Variants in CDH17 observed in about 807,000 individuals in gnomAD.
The protein encoded by CDH17 is cadherin-17.
A neutral mutation model predicts 86.3 loss-of-function variants in CDH17; 67 were observed. The ratio of observed to expected loss-of-function variants is 0.78; its 90% CI spans 0.64 to 0.95. The LOEUF (loss-of-function observed/expected upper bound fraction) is 0.95, where lower values mean the gene tolerates loss of function less well. CDH17 is among the 40% of genes least tolerant of loss of function. The pLI is 0.00. For synonymous variants in CDH17, 367 were observed against 366.4 expected (o/e 1.00, Z -0.02); for missense variants, 993 against 1,017.6 (o/e 0.98, Z 0.33).
chr8:94,132,664 A>C (rs1812442405), intron 15 of CDH17, among the ~76,000 whole-genome samples: 1 of 152,018 alleles, frequency 6.6e-6, no homozygotes, highest in Non-Finnish European at 1.5e-5. Flanking sequence ...GAAGCTCTTT[A>C]GTTTAATTAG....
intron 12 of CDH17, among the ~76,000 whole-genome samples, chr8:94,154,207 CCTT>C (rs1201541436): frequency 6.6e-6 from 1 of 152,110 alleles, no homozygotes; most frequent in East Asian, 1.9e-4. Flanking sequence ...TCAGCAAAAA[CCTT>C]CTCAGAATGA....
chr8:94,134,522 T>C (rs1563563708), intron 15 of CDH17, among the ~76,000 whole-genome samples: 1 of 152,214 alleles, frequency 6.6e-6, no homozygotes, highest in Non-Finnish European at 1.5e-5. Flanking sequence ...CATTTTTTTA[T>C]TGCGTCTATT....
Position 94,175,104 on chromosome 8 carries a change from G to A in CDH17, c.425-844C>T, listed in dbSNP as rs1813347885. On this transcript the variant is annotated intron_variant, in intron 5 of 17. Coordinates refer to ENST00000027335, the MANE Select transcript of CDH17 (RefSeq NM_004063.4). ...AGGAGTATTTGCAACATGGAAACTA[G>A]AAAATTCTACAAATCAGAGCTTTGT... Among the ~76,000 whole-genome samples the A allele has an allele frequency of 2.0e-5, 3 of 152,118 alleles. No individual in the cohort carries two copies. In the South Asian group the frequency reaches 6.2e-4, roughly 32 times the overall value.
rs760616533 is a variant in CDH17 at position 94,151,904 on chromosome 8, T to C, written c.1760A>G (p.Asn587Ser). ...ACCTTCTGGATCCTTGGCAGTCACA[T>C]TGCCCACTTTAGTGCCTATAGCTAC... ...EDVAIGTKVG[N>S]VTAKDPEGLD... The change falls in exon 13 of 18, where the codon AAT (asparagine) becomes AGT (serine). Residue 587 changes from asparagine to serine, a missense_variant. Transcript: ENST00000027335. The C allele has an allele frequency of 1.5e-5, 24 of 1,614,098 alleles. No individual in the cohort carries two copies. In the South Asian group the frequency reaches 2.3e-4, roughly 16 times the overall value.
chr8:94,181,484 A>G (rs539092076), intron 3 of CDH17, among the ~76,000 whole-genome samples: 1 of 152,234 alleles, frequency 6.6e-6, no homozygotes, highest in Non-Finnish European at 1.5e-5. Context: ...TAAAAACAAT[A>G]TAAGGAAATT....
chr8:94,128,409 G>C (rs1214793178), intron 17 of CDH17, 69 bp from the exon 18 acceptor site: 2 of 973,526 alleles, frequency 2.1e-6, no homozygotes, highest in African/African-American at 3.2e-5. Flanking sequence ...CAGTTATAAA[G>C]TAGTATTGTG....
In CDH17 at chr8:94,165,805, T is replaced by C; in HGVS notation, c.1238A>G (p.Gln413Arg). ...LQLAKQSLKK[Q>R]DTPQYNLTIE... is the part of the protein sequence containing the mutation. The stretch of plus-strand genomic sequence containing the variant: ...CGTTAAGTTGTACTGAGGAGTATCT[T>C]GCTTCTTCAAGGACTGTTTAGCTAA... Residue 413 changes from glutamine to arginine, a missense_variant, in exon 10 of 18, where the codon CAA becomes CGA. Coordinates refer to ENST00000027335, the MANE Select transcript of CDH17 (RefSeq NM_004063.4). 1 of 1,613,990 alleles carries C rather than the reference T, an allele frequency of 6.2e-7. No individual in the cohort carries two copies. The highest frequency in any genetic ancestry group is 1.1e-5 in the South Asian group (1 of 91,082).
chr8:94,142,977 A>G (rs1436021113), intron 15 of CDH17, among the ~76,000 whole-genome samples: 2 of 152,176 alleles, frequency 1.3e-5, no homozygotes, highest in Non-Finnish European at 2.9e-5. Context: ...TAATGTGTAT[A>G]TTTCAACCTC....
intron 3 of CDH17, among the ~76,000 whole-genome samples, chr8:94,188,235 C>A (rs2613218): frequency 0.29 from 44,371 of 152,096 alleles, 7,263 homozygotes; most frequent in African/African-American, 0.43. Context: ...TACCTAATAC[C>A]ATGTAAATGC....
At chr8:94,170,592 C>T in intron 8 of CDH17, 45 bp from the exon 9 acceptor site, 2 of 1,590,936 alleles carry the variant, frequency 1.3e-6, no homozygotes, top group Non-Finnish European at 8.6e-7. Context: ...ACCCACCACC[C>T]TCTGTCAAAA....
intron 3 of CDH17, among the ~76,000 whole-genome samples, chr8:94,180,049 A>C (rs1813449149): frequency 6.6e-6 from 1 of 152,162 alleles, no homozygotes; most frequent in East Asian, 1.9e-4. Context: ...ATCTCTAAAG[A>C]ATTAAAGTTT....
intron 7 of CDH17, among the ~76,000 whole-genome samples, chr8:94,172,529 G>A (rs563820926): frequency 2.0e-5 from 3 of 152,018 alleles, no homozygotes; most frequent in South Asian, 4.2e-4. Context: ...TACAGATACT[G>A]TCTCAGTTAA....
intron 12 of CDH17, among the ~76,000 whole-genome samples, chr8:94,159,229 G>A (rs576471288): frequency 6.6e-5 from 10 of 152,120 alleles, no homozygotes; most frequent in Non-Finnish European, 1.2e-4. Context: ...AGGGTTGGGA[G>A]AATCCTGTAC....
intron 1 of CDH17, among the ~76,000 whole-genome samples, chr8:94,205,238 G>A (rs558340809): frequency 1.3e-5 from 2 of 151,536 alleles, no homozygotes; most frequent in East Asian, 3.9e-4. Flanking sequence ...GAGGAGGACT[G>A]GAATCACTAT....
intron 13 of CDH17, among the ~76,000 whole-genome samples, chr8:94,149,300 T>C (rs1422114705): frequency 3.3e-5 from 5 of 151,868 alleles, no homozygotes; most frequent in East Asian, 1.9e-4. Context: ...GGTGGAAACG[T>C]TGGGCGAGAT....
At chr8:94,140,221 A>G (rs1812611181) in intron 15 of CDH17, among the ~76,000 whole-genome samples, 1 of 152,196 alleles carries the variant, frequency 6.6e-6, no homozygotes, top group Non-Finnish European at 1.5e-5. Flanking sequence ...CAGGAGTTTG[A>G]GACAAGCCAG....
intron 12 of CDH17, among the ~76,000 whole-genome samples, chr8:94,156,559 C>T (rs1812952922): frequency 6.6e-6 from 1 of 152,184 alleles, no homozygotes; most frequent in Non-Finnish European, 1.5e-5. Flanking sequence ...AAATACAGAG[C>T]AGGGAGCATT....
intron 1 of CDH17, among the ~76,000 whole-genome samples, chr8:94,216,884 G>A (rs1339505246): frequency 6.6e-6 from 1 of 152,180 alleles, no homozygotes; most frequent in African/African-American, 2.4e-5. Flanking sequence ...ACTGGTCTTT[G>A]GTGAAGCCTG....
At chr8:94,134,189 T>A (rs1341230539) in intron 15 of CDH17, among the ~76,000 whole-genome samples, 2 of 152,224 alleles carry the variant, frequency 1.3e-5, no homozygotes, top group East Asian at 3.8e-4. Flanking sequence ...TAGGGAGGAT[T>A]CCCTCTTTTT....
Sources: allele counts gnomAD v4.1 joint callset (sites outside exome capture counted in the v4.1 genomes callset), GRCh38; gene constraint gnomAD v4.1.1; transcripts MANE v1.5; gene names NCBI Gene and HGNC (gene_info 2026-07-23, HGNC 2026-07-21).